Variants in CTNNA3 observed in about 807,000 individuals in gnomAD.
CTNNA3 encodes catenin alpha 3.
A neutral mutation model predicts 95.7 loss-of-function variants in CTNNA3; 76 were observed. That is an observed-to-expected ratio of 0.79 (90% CI 0.66 to 0.96). The LOEUF (loss-of-function observed/expected upper bound fraction) is 0.96. CTNNA3 is among the 40% of genes least tolerant of loss of function. The probability of loss-of-function intolerance (pLI) is 0.00; values close to 1 mark genes in which losing one functional copy is unlikely to be tolerated. For synonymous variants in CTNNA3, 431 were observed against 374.4 expected, an observed-to-expected ratio of 1.15 and a Z score of -1.74; for missense variants, 1,191 against 1,089.8, an observed-to-expected ratio of 1.09 and a Z score of -1.31.
At chr10:65,953,880 T>C (rs2077673572) in intron 17 of CTNNA3, among the ~76,000 whole-genome samples, 1 of 152,232 alleles carries the variant, frequency 6.6e-6, no homozygotes, top group Non-Finnish European at 1.5e-5. Flanking sequence ...GCATGATTTA[T>C]ACTCCTTTGG....
intron 2 of CTNNA3, among the ~76,000 whole-genome samples, chr10:67,607,933 C>T (rs1001489405): frequency 7.2e-5 from 11 of 152,202 alleles, no homozygotes; most frequent in Admixed American, 6.5e-5. Flanking sequence ...ATGGAGTTTA[C>T]ATTCTTAATA....
At chr10:67,516,867 T>C (rs1436462647) in intron 5 of CTNNA3, among the ~76,000 whole-genome samples, 3 of 152,220 alleles carry the variant, frequency 2.0e-5, no homozygotes, top group Non-Finnish European at 4.4e-5. Flanking sequence ...TGTATTTCTG[T>C]GTCTGGATTA....
intron 14 of CTNNA3, among the ~76,000 whole-genome samples, chr10:66,088,368 T>A (rs192979745): frequency 6.6e-6 from 1 of 152,148 alleles, no homozygotes; most frequent in East Asian, 1.9e-4. Flanking sequence ...AGTGTCTGTA[T>A]AATATAGATT....
At chr10:66,699,676 T>TC (rs1224232032) in intron 9 of CTNNA3, among the ~76,000 whole-genome samples, 1 of 151,926 alleles carries the variant, frequency 6.6e-6, no homozygotes, top group Non-Finnish European at 1.5e-5. Flanking sequence ...CTTTTTTTTT[T>TC]TTGAGATGGA....
intron 11 of CTNNA3, among the ~76,000 whole-genome samples, chr10:66,448,671 C>G (rs1484646157): frequency 7.7e-6 from 1 of 129,490 alleles, no homozygotes; most frequent in Non-Finnish European, 1.6e-5. Context: ...ACTTCAAGGA[C>G]TGTTGTGGGG....
intron 11 of CTNNA3, among the ~76,000 whole-genome samples, chr10:66,420,656 G>A (rs771479200): frequency 4.0e-5 from 6 of 151,828 alleles, no homozygotes; most frequent in Non-Finnish European, 7.4e-5. Flanking sequence ...AAAATTAGCC[G>A]GGCGTGATGG....
chr10:66,709,414 C>T lies in CTNNA3; in HGVS notation c.1281+56850G>A, dbSNP rs1413117354. On this transcript the variant is annotated intron_variant, in intron 9 of 17. Coordinates refer to ENST00000433211, the MANE Select transcript of CTNNA3 (RefSeq NM_013266.4). ...AAGGATAATGAGTCTCAGCAAATGTCAGATGAAATGGAAGCATAAAGGTCG... is the reference window on the plus strand; with the variant it reads ...AAGGATAATGAGTCTCAGCAAATGTTAGATGAAATGGAAGCATAAAGGTCG... Among the ~76,000 whole-genome samples, 7 of 151,952 alleles carry T rather than the reference C, an allele frequency of 4.6e-5. No individual in the cohort carries two copies. In the East Asian group the frequency reaches 7.7e-4, roughly 17 times the overall value.
In CTNNA3 at chr10:67,659,032, G is replaced by A. The variant is rs147514395; in HGVS notation, c.-5-11514C>T. Among the ~76,000 whole-genome samples, 81 of 151,986 alleles carry A rather than the reference G, an allele frequency of 5.3e-4. 2 individuals carry two copies. Among genetic ancestry groups the A allele is most frequent in the African/African-American group, 1.9e-3 (77 of 41,434 alleles). ...AACAAAATTAATTAAATTAAAAAATGTGTTTACTCTAGCCAGAGCAACCAA... is the reference window on the plus strand; with the variant it reads ...AACAAAATTAATTAAATTAAAAAATATGTTTACTCTAGCCAGAGCAACCAA... On this transcript the variant is annotated intron_variant, in intron 1 of 17. Coordinates refer to ENST00000433211, the MANE Select transcript of CTNNA3 (RefSeq NM_013266.4).
chr10:66,466,159 C>G (rs980648330), intron 11 of CTNNA3, among the ~76,000 whole-genome samples: 1 of 151,890 alleles, frequency 6.6e-6, no homozygotes, highest in Non-Finnish European at 1.5e-5. Context: ...AAATTTTGGC[C>G]AAAAGCCTGC....
chr10:67,093,648 C>A (rs1857796368), intron 7 of CTNNA3, among the ~76,000 whole-genome samples: 1 of 151,694 alleles, frequency 6.6e-6, no homozygotes, highest in African/African-American at 2.4e-5. Context: ...CAAGGACATA[C>A]CCTCCCAACA....
chr10:66,684,085 G>T lies in CTNNA3; in HGVS notation c.1282-62301C>A, dbSNP rs142225074. Among the ~76,000 whole-genome samples the T allele has an allele frequency of 4.7e-3, 718 of 152,198 alleles. 5 individuals carry two copies. Among genetic ancestry groups the T allele is most frequent in the African/African-American group, 0.016 (679 of 41,524 alleles). On this transcript the variant is annotated intron_variant, in intron 9 of 17. Transcript: ENST00000433211. ...CTAATTATCTAATTTACAATAAGTT[G>T]ACCTCTCTGTAATTCTGTCCCACTT...
intron 5 of CTNNA3, among the ~76,000 whole-genome samples, chr10:67,249,846 C>T (rs571995223): frequency 6.6e-6 from 1 of 152,148 alleles, no homozygotes; most frequent in Non-Finnish European, 1.5e-5. Context: ...GTTTACCTAA[C>T]ATGCACATCT....
intron 15 of CTNNA3, among the ~76,000 whole-genome samples, chr10:66,025,897 A>T (rs1284365291): frequency 6.6e-6 from 1 of 152,204 alleles, no homozygotes; most frequent in African/African-American, 2.4e-5. Context: ...ACCAGGCCAA[A>T]TATTAGAAGC....
intron 7 of CTNNA3, among the ~76,000 whole-genome samples, chr10:67,027,294 G>C (rs954444190): frequency 5.9e-5 from 9 of 152,098 alleles, no homozygotes; most frequent in Non-Finnish European, 1.3e-4. Context: ...TCCCCTCGTG[G>C]AACTCACTGA....
At chr10:67,053,802 G>A (rs1855263543) in intron 7 of CTNNA3, among the ~76,000 whole-genome samples, 1 of 152,146 alleles carries the variant, frequency 6.6e-6, no homozygotes, top group Non-Finnish European at 1.5e-5. Context: ...TTTTCCCATT[G>A]AGATTAATCT....
intron 13 of CTNNA3, among the ~76,000 whole-genome samples, chr10:66,245,308 C>T (rs80297161): frequency 0.024 from 3,668 of 152,246 alleles, 97 homozygotes; most frequent in African/African-American, 0.066. Flanking sequence ...CAAGGAACTA[C>T]AGAAACCCAA....
intron 5 of CTNNA3, among the ~76,000 whole-genome samples, chr10:67,310,554 C>T (rs112310457): frequency 0.021 from 3,267 of 152,196 alleles, 118 homozygotes; most frequent in African/African-American, 0.074. Flanking sequence ...TAAGGACATA[C>T]CTGAGACTGG....
At chr10:66,367,140 C>T (rs191912545) in intron 12 of CTNNA3, among the ~76,000 whole-genome samples, 1 of 152,214 alleles carries the variant, frequency 6.6e-6, no homozygotes, top group Admixed American at 6.5e-5. Flanking sequence ...TCAGGATATA[C>T]GTCCCACTGA....
At chr10:67,295,194 T>C (rs1839985982) in intron 5 of CTNNA3, among the ~76,000 whole-genome samples, 1 of 152,230 alleles carries the variant, frequency 6.6e-6, no homozygotes. Context: ...TGATCACTAA[T>C]TAAATGCCTA....
Sources: allele counts gnomAD v4.1 joint callset (sites outside exome capture counted in the v4.1 genomes callset), GRCh38; gene constraint gnomAD v4.1.1; transcripts MANE v1.5; gene names NCBI Gene and HGNC (gene_info 2026-07-23, HGNC 2026-07-21).